The following KCTD7 variants were observed in gnomAD, a reference collection of about 807,000 sequenced individuals.
The protein encoded by KCTD7 is potassium channel tetramerization domain containing 7, also known as BTB/POZ domain-containing protein KCTD7.
In KCTD7, 15 loss-of-function variants were observed where a neutral mutation model predicts 27.0. The ratio of observed to expected loss-of-function variants is 0.56; its 90% CI spans 0.37 to 0.86. The LOEUF (loss-of-function observed/expected upper bound fraction) is 0.86. Ranked by LOEUF, KCTD7 falls within the 40% of genes least tolerant of loss-of-function variation. The pLI is 0.00. For synonymous variants in KCTD7, 159 were observed against 162.7 expected, an observed-to-expected ratio of 0.98 and a Z score of 0.17; for missense variants, 299 against 398.9, an observed-to-expected ratio of 0.75 and a Z score of 2.13.
intron 1 of KCTD7, among the ~76,000 whole-genome samples, chr7:66,631,706 GAAA>G (rs34184629): frequency 2.1e-5 from 3 of 144,406 alleles, no homozygotes; most frequent in African/African-American, 7.7e-5. Context: ...TGCAAAACAG[GAAA>G]AAAAAAAAAG....
Position 66,639,719 on chromosome 7 carries a change from T to A in KCTD7, c.*487T>A. ...GACCAGCCACCCCATAGCCCCTGGC[T>A]GAAGAAGAAAGAGCATCTTCTCTCC... On this transcript the variant is annotated 3_prime_UTR_variant, in exon 4 of 4. Transcript: ENST00000639828. 1 of 1,247,640 alleles carries A rather than the reference T, an allele frequency of 8.0e-7. No individual in the cohort carries two copies. Among genetic ancestry groups the A allele is most frequent in the Non-Finnish European group, 1.0e-6 (1 of 996,514 alleles). The allele number at this position is 1,247,640 out of a possible 1,614,324, so 77.3% of individuals were successfully genotyped here.
intron 2 of KCTD7, 149 bp downstream of exon 2, chr7:66,633,593 A>ATATTT: frequency 9.3e-5 from 59 of 635,482 alleles, no homozygotes; most frequent in Middle Eastern, 4.3e-4. Context: ...AAAGAGATCA[A>ATATTT]TTTTTTTTTT....
intron 2 of KCTD7, among the ~76,000 whole-genome samples, chr7:66,637,487 T>C (rs1786614217): frequency 6.6e-6 from 1 of 151,986 alleles, no homozygotes; most frequent in Non-Finnish European, 1.5e-5. Flanking sequence ...GTAAATAAAT[T>C]ACACCATATT....
intron 2 of KCTD7, 49 bp downstream of exon 2, chr7:66,633,493 G>A (rs1404535897): frequency 1.3e-6 from 2 of 1,570,828 alleles, no homozygotes; most frequent in Non-Finnish European, 1.8e-6. Flanking sequence ...CAGGTGATTA[G>A]CGTAGGCTTG....
intron 2 of KCTD7, among the ~76,000 whole-genome samples, chr7:66,637,354 G>A (rs1786611421): frequency 6.6e-6 from 1 of 152,076 alleles, no homozygotes; most frequent in Non-Finnish European, 1.5e-5. Context: ...CCAAAGTGCT[G>A]GGATCACACG....
At chr7:66,633,494 C>T (rs763903390) in intron 2 of KCTD7, 50 bp downstream of exon 2, 7 of 1,567,706 alleles carry the variant, frequency 4.5e-6, no homozygotes, top group East Asian at 2.2e-5. Flanking sequence ...AGGTGATTAG[C>T]GTAGGCTTGA....
chr7:66,629,043 C>T lies in KCTD7; in HGVS notation c.-22C>T, dbSNP rs760486366. Reference sequence around the variant, plus strand: ...CCGCCTCCGCCCGCCCGAAGCCGCGCCCACTGCCCAGAGCCAGAGGGATGG... The same window carrying T: ...CCGCCTCCGCCCGCCCGAAGCCGCGTCCACTGCCCAGAGCCAGAGGGATGG... On this transcript the variant is annotated 5_prime_UTR_variant, in exon 1 of 4. Transcript: ENST00000639828. 24 of 1,494,266 alleles carry T rather than the reference C, an allele frequency of 1.6e-5. No individual in the cohort carries two copies. In the South Asian group the frequency reaches 2.8e-4, roughly 17 times the overall value. 92.6% of individuals were successfully genotyped at this position (1,494,266 alleles called of 1,614,324 possible). A position where few individuals can be genotyped will look rare whatever the true frequency, so the allele number is the denominator to read the frequency against.
In KCTD7 at chr7:66,641,230, G is replaced by C. The variant is rs1786707574; in HGVS notation, c.*1998G>C. On this transcript the variant is annotated 3_prime_UTR_variant, in exon 4 of 4. Transcript: ENST00000639828. ...AGGTTAGCCCCAAAACATGGCTCTTGTATTGTTCTAAGAGAAAAGGCTTTC... is the reference window on the plus strand; with the variant it reads ...AGGTTAGCCCCAAAACATGGCTCTTCTATTGTTCTAAGAGAAAAGGCTTTC... 2.0e-6 allele frequency: 2 copies of C among 985,212 alleles called. No homozygotes were observed. Among genetic ancestry groups the C allele is most frequent in the South Asian group, 9.4e-5 (2 of 21,284 alleles). The allele number at this position is 985,212 out of a possible 1,614,324, so 61.0% of individuals were successfully genotyped here.
At position 66,641,924 on chromosome 7, in the gene KCTD7, A is replaced by G. The variant is rs573138370; in HGVS notation, c.*2692A>G. ...GTTGGGTCTGGAAGGAAGGCTCCAAAGGATGAAAGCTTCTCCCTGATCATA... is the reference window on the plus strand; with the variant it reads ...GTTGGGTCTGGAAGGAAGGCTCCAAGGGATGAAAGCTTCTCCCTGATCATA... On this transcript the variant is annotated 3_prime_UTR_variant, in exon 4 of 4. Transcript: ENST00000639828. 1.8e-5 allele frequency: 18 copies of G among 985,442 alleles called. No individual in the cohort carries two copies. The South Asian group carries it at 8.0e-4, about 44-fold the overall frequency. The allele number at this position is 985,442 out of a possible 1,614,324, so 61.0% of individuals were successfully genotyped here.
chr7:66,639,801 C>G lies in KCTD7; in HGVS notation c.*569C>G. 8.0e-7 allele frequency: 1 copy of G among 1,249,932 alleles called. No homozygotes were observed. The highest frequency in any genetic ancestry group is 1.0e-6 in the Non-Finnish European group (1 of 998,346). 77.4% of individuals were successfully genotyped at this position (1,249,932 alleles called of 1,614,324 possible). ...CCCACATTCCCAAAATGTGGAAAGACTTTTCTTTTCCTTCCGGAACATGTT... is the reference window on the plus strand; with the variant it reads ...CCCACATTCCCAAAATGTGGAAAGAGTTTTCTTTTCCTTCCGGAACATGTT... On this transcript the variant is annotated 3_prime_UTR_variant, in exon 4 of 4. Coordinates refer to ENST00000639828, the MANE Select transcript of KCTD7 (RefSeq NM_153033.5).
At chr7:66,636,112 T>C (rs1786578676) in intron 2 of KCTD7, among the ~76,000 whole-genome samples, 1 of 152,256 alleles carries the variant, frequency 6.6e-6, no homozygotes, top group African/African-American at 2.4e-5. Context: ...ATGAAGTTGT[T>C]GAATGACTCA....
intron 3 of KCTD7, 170 bp downstream of exon 3, chr7:66,638,601 G>C: frequency 1.2e-6 from 1 of 818,960 alleles, no homozygotes; most frequent in Non-Finnish European, 1.9e-6. Flanking sequence ...GGTTAAGGTG[G>C]GCCTACCTGG....
rs1167770027 is a variant in KCTD7, at chr7:66,642,845, A to G, written c.*3613A>G. The G allele has an allele frequency of 2.0e-6, 2 of 985,070 alleles. No individual in the cohort carries two copies. Among genetic ancestry groups the G allele is most frequent in the Non-Finnish European group, 2.4e-6 (2 of 829,918 alleles). The allele number at this position is 985,070 out of a possible 1,614,324, so 61.0% of individuals were successfully genotyped here. On this transcript the variant is annotated 3_prime_UTR_variant, in exon 4 of 4. Transcript: ENST00000639828. ...GATGGGGGTTGGCAGGGGTTGAGGG[A>G]GGTGGGAACAAACAGTGAGTATGGG...
In KCTD7 at chr7:66,628,972, C is replaced by A. The variant is rs1000099581; in HGVS notation, c.-93C>A. The A allele has an allele frequency of 3.8e-6, 5 of 1,311,622 alleles. No homozygotes were observed. In the South Asian group the frequency reaches 4.6e-5, roughly 12 times the overall value. 81.2% of individuals were successfully genotyped at this position (1,311,622 alleles called of 1,614,324 possible). A position where few individuals can be genotyped will look rare whatever the true frequency, so the allele number is the denominator to read the frequency against. On this transcript the variant is annotated 5_prime_UTR_variant, in exon 1 of 4. Coordinates refer to ENST00000639828, the MANE Select transcript of KCTD7 (RefSeq NM_153033.5). ...CCCCTCCGGCCAGCCCGCAGCCGGC[C>A]GCGTCATGCCAGGCGCTGCTCGGCG...
chr7:66,635,011 CT>C (rs68184930), intron 2 of KCTD7, among the ~76,000 whole-genome samples: 72,209 of 107,352 alleles, frequency 0.67, 23,815 homozygotes, highest in African/African-American at 0.82. Context: ...GTGAGACTGT[CT>C]TTTTTTTTTT....
Position 66,638,837 on chromosome 7 carries a change from G to A in KCTD7, c.494-19G>A, listed in dbSNP as rs538200300. The A allele has an allele frequency of 6.2e-7, 1 of 1,613,694 alleles. No individual in the cohort carries two copies. The highest frequency in any genetic ancestry group is 1.3e-5 in the African/African-American group (1 of 75,030). ...CTGCCTCTTCACCCTAGTGATAGGT[G>A]TTGTGTTCATCCTTATAGACCACTT... On this transcript the variant is annotated intron_variant, in intron 3 of 3. Transcript: ENST00000639828.
intron 1 of KCTD7, among the ~76,000 whole-genome samples, chr7:66,631,925 A>C (rs1304543179): frequency 6.6e-6 from 1 of 152,172 alleles, no homozygotes; most frequent in East Asian, 1.9e-4. Flanking sequence ...GGTGACCAAG[A>C]TGCTTTCCCT....
In KCTD7 at chr7:66,629,091, A is replaced by T. The variant is rs1786380308; in HGVS notation, c.27A>T (p.Pro9=). Residue 9 remains proline, a synonymous_variant, in exon 1 of 4, where the codon CCA becomes CCT. Transcript: ENST00000639828. MVVVTGRE[P]DSRRQDGAMS... is the part of the protein sequence containing the mutation. Reference sequence around the variant, plus strand: ...TGGTGGTAGTCACGGGGCGGGAGCCAGACAGCCGTCGTCAGGACGGTGCCA... The same window carrying T: ...TGGTGGTAGTCACGGGGCGGGAGCCTGACAGCCGTCGTCAGGACGGTGCCA... 1 of 1,534,616 alleles carries T rather than the reference A, an allele frequency of 6.5e-7. No homozygotes were observed. The highest frequency in any genetic ancestry group is 8.8e-7 in the Non-Finnish European group (1 of 1,142,540).
chr7:66,634,359 T>C (rs1330575918), intron 2 of KCTD7, among the ~76,000 whole-genome samples: 1 of 151,944 alleles, frequency 6.6e-6, no homozygotes, highest in Non-Finnish European at 1.5e-5. Flanking sequence ...GTGTTGTTTT[T>C]TTTTCGGGGG....
Sources: gnomAD v4.1 joint callset for allele counts (sites outside exome capture counted in the v4.1 genomes callset) on GRCh38, gnomAD v4.1.1 for gene constraint, MANE v1.5 for transcripts, NCBI Gene and HGNC (gene_info 2026-07-23, HGNC 2026-07-21) for gene names.